MAF: variants seen among roughly 807,000 people sequenced by gnomAD.
The protein encoded by MAF is transcription factor Maf.
In MAF, 10 loss-of-function variants were observed where a neutral mutation model predicts 22.0. The ratio of observed to expected loss-of-function variants is 0.45; its 90% CI spans 0.28 to 0.77. MAF has a LOEUF of 0.77. Ranked by LOEUF, MAF falls within the 30% of genes least tolerant of loss-of-function variation. The probability of loss-of-function intolerance (pLI) is 0.12; values close to 1 mark genes in which losing one functional copy is unlikely to be tolerated. For synonymous variants in MAF, 337 were observed against 255.8 expected, an observed-to-expected ratio of 1.32 and a Z score of -3.03; for missense variants, 544 against 548.4, an observed-to-expected ratio of 0.99 and a Z score of 0.08.
chr16:79,317,941 C>T, the MAF span, among the ~76,000 whole-genome samples: 2 of 133,988 alleles, frequency 1.5e-5, no homozygotes, highest in Non-Finnish European at 1.5e-5. Flanking sequence ...CACTCACTCA[C>T]TCACTCACTC....
At chr16:79,281,762 G>A in the MAF span, among the ~76,000 whole-genome samples, 1 of 151,988 alleles carries the variant, frequency 6.6e-6, no homozygotes, top group Non-Finnish European at 1.5e-5. Context: ...GGCCAGGATG[G>A]TCTCCATCTC....
At chr16:79,503,533 G>A in the MAF span, among the ~76,000 whole-genome samples, 2 of 152,226 alleles carry the variant, frequency 1.3e-5, no homozygotes, top group African/African-American at 4.8e-5. Context: ...CTACTGGACA[G>A]AAATCAATGA....
At chr16:79,580,508 C>T in the MAF span, among the ~76,000 whole-genome samples, 2 of 152,180 alleles carry the variant, frequency 1.3e-5, no homozygotes, top group African/African-American at 4.8e-5. Context: ...ATTAGAAAAA[C>T]ATCGAAGATG....
chr16:79,249,079 G>A, the MAF span, among the ~76,000 whole-genome samples: 1 of 152,120 alleles, frequency 6.6e-6, no homozygotes, highest in Non-Finnish European at 1.5e-5. Context: ...TTGGGAAGTG[G>A]TAAGGTTATG....
the MAF span, among the ~76,000 whole-genome samples, chr16:79,290,324 C>G: frequency 5.9e-5 from 9 of 152,276 alleles, no homozygotes; most frequent in East Asian, 1.5e-3. Context: ...TATTAATTTC[C>G]CATAAATCAT....
chr16:79,328,596 G>A, the MAF span, among the ~76,000 whole-genome samples: 1 of 152,214 alleles, frequency 6.6e-6, no homozygotes, highest in Non-Finnish European at 1.5e-5. Context: ...CTCGAGCCGA[G>A]CTGGCACTTG....
At chr16:79,516,612 A>C in the MAF span, among the ~76,000 whole-genome samples, 1 of 152,246 alleles carries the variant, frequency 6.6e-6, no homozygotes, top group South Asian at 2.1e-4. Context: ...GACACTGCTA[A>C]TCCCTTCCTG....
chr16:79,590,044 C>G (rs915378081), downstream of MAF, among the ~76,000 whole-genome samples: 1 of 152,178 alleles, frequency 6.6e-6, no homozygotes, highest in Non-Finnish European at 1.5e-5. Context: ...CCCTGCGCAC[C>G]TACTGTACGC....
the MAF span, among the ~76,000 whole-genome samples, chr16:79,498,884 A>T: frequency 6.6e-6 from 1 of 152,182 alleles, no homozygotes; most frequent in South Asian, 2.1e-4. Context: ...TGTGGAGTAT[A>T]CAGAGACACT....
chr16:79,525,296 T>C, the MAF span, among the ~76,000 whole-genome samples: 3 of 152,200 alleles, frequency 2.0e-5, no homozygotes, highest in Non-Finnish European at 4.4e-5. Flanking sequence ...GGTAAAGTGA[T>C]AGTCCAGAGA....
the MAF span, among the ~76,000 whole-genome samples, chr16:79,427,034 T>C: frequency 2.0e-5 from 3 of 152,212 alleles, no homozygotes; most frequent in African/African-American, 7.2e-5. Flanking sequence ...CAAGCCAAAT[T>C]GAACCATATC....
chr16:79,481,432 A>G, the MAF span, among the ~76,000 whole-genome samples: 1 of 151,600 alleles, frequency 6.6e-6, no homozygotes, highest in African/African-American at 2.4e-5. Context: ...CTGCCTCCAA[A>G]CCCTAGGCCA....
chr16:79,581,020 T>C (rs909082243), downstream of MAF, among the ~76,000 whole-genome samples: 1 of 152,150 alleles, frequency 6.6e-6, no homozygotes, highest in Middle Eastern at 3.2e-3. Flanking sequence ...CTACCCTTAC[T>C]GCTGAGAGAA....
the MAF span, among the ~76,000 whole-genome samples, chr16:79,346,273 A>G: frequency 5.4e-5 from 8 of 149,160 alleles, no homozygotes; most frequent in South Asian, 2.1e-4. Context: ...GAGAACATGC[A>G]GTGTTTGGTT....
At chr16:79,427,700 T>C in the MAF span, among the ~76,000 whole-genome samples, 1 of 152,086 alleles carries the variant, frequency 6.6e-6, no homozygotes, top group Non-Finnish European at 1.5e-5. Flanking sequence ...TGGAAAGCCG[T>C]TCCTGATAGC....
At chr16:79,541,982 A>G in the MAF span, among the ~76,000 whole-genome samples, 1 of 152,124 alleles carries the variant, frequency 6.6e-6, no homozygotes, top group Non-Finnish European at 1.5e-5. Flanking sequence ...ATGATTAAAA[A>G]ACAGGTTCAG....
the MAF span, among the ~76,000 whole-genome samples, chr16:79,474,591 G>A: frequency 6.6e-6 from 1 of 152,200 alleles, no homozygotes; most frequent in Non-Finnish European, 1.5e-5. Flanking sequence ...GAGAGCCTCA[G>A]GTGTTAATAT....
the MAF span, among the ~76,000 whole-genome samples, chr16:79,420,734 A>G: frequency 6.6e-5 from 10 of 152,244 alleles, no homozygotes; most frequent in Non-Finnish European, 1.0e-4. Flanking sequence ...CTGCAGTACA[A>G]TAAGATATTT....
chr16:79,405,407 C>G, the MAF span, among the ~76,000 whole-genome samples: 3 of 152,200 alleles, frequency 2.0e-5, no homozygotes, highest in Non-Finnish European at 4.4e-5. Flanking sequence ...TGGAGAACAA[C>G]AGGCTGCATT....
Sources: allele counts gnomAD v4.1 joint callset (sites outside exome capture counted in the v4.1 genomes callset), GRCh38; gene constraint gnomAD v4.1.1; transcripts MANE v1.5; gene names NCBI Gene and HGNC (gene_info 2026-07-23, HGNC 2026-07-21).